SPATS2: variants seen among roughly 807,000 people sequenced by gnomAD.
The protein encoded by SPATS2 is spermatogenesis-associated serine-rich protein 2.
A neutral mutation model predicts 63.7 loss-of-function variants in SPATS2; 38 were observed. The observed-to-expected ratio is 0.60, with a 90% confidence interval of 0.46 to 0.78. The LOEUF is 0.78. Among genes scored for constraint, SPATS2 ranks in the 30% least tolerant of loss-of-function variants. The pLI, the probability that SPATS2 is intolerant of heterozygous loss-of-function variation, is 0.00. For synonymous variants in SPATS2, 207 were observed against 232.9 expected, an observed-to-expected ratio of 0.89 and a Z score of 1.01; for missense variants, 588 against 666.2, an observed-to-expected ratio of 0.88 and a Z score of 1.29.
At chr12:49,424,803 C>T in intron 2 of SPATS2, among the ~76,000 whole-genome samples, 1 of 152,228 alleles carries the variant, frequency 6.6e-6, no homozygotes, top group South Asian at 2.1e-4. Flanking sequence ...CCTCAGCCTC[C>T]CAAGTAGCTG....
chr12:49,418,757 C>G (rs190749281), intron 2 of SPATS2, among the ~76,000 whole-genome samples: 2 of 152,248 alleles, frequency 1.3e-5, no homozygotes, highest in East Asian at 3.9e-4. Context: ...ATTACTTCTA[C>G]TTGGTATTTG....
At chr12:49,443,872 T>C (rs1037371596) in intron 2 of SPATS2, among the ~76,000 whole-genome samples, 1 of 152,220 alleles carries the variant, frequency 6.6e-6, no homozygotes, top group African/African-American at 2.4e-5. Flanking sequence ...AGTACCACAC[T>C]GTCTTCATGA....
At chr12:49,407,973 T>C (rs183259673) in intron 2 of SPATS2, among the ~76,000 whole-genome samples, 2 of 152,342 alleles carry the variant, frequency 1.3e-5, no homozygotes, top group Admixed American at 1.3e-4. Flanking sequence ...GTTTGTGGAC[T>C]CCTTGGCTAG....
intron 2 of SPATS2, among the ~76,000 whole-genome samples, chr12:49,407,044 A>G (rs1249753140): frequency 6.6e-6 from 1 of 152,204 alleles, no homozygotes; most frequent in Non-Finnish European, 1.5e-5. Context: ...ATTTCAGTAA[A>G]TAGACTATCC....
chr12:49,415,391 G>A (rs1944872409), intron 2 of SPATS2, among the ~76,000 whole-genome samples: 1 of 152,064 alleles, frequency 6.6e-6, no homozygotes, highest in South Asian at 2.1e-4. Context: ...GGGAAGGCTG[G>A]GAATAAGAAA....
At chr12:49,414,281 G>A (rs548553759) in intron 2 of SPATS2, among the ~76,000 whole-genome samples, 1 of 152,250 alleles carries the variant, frequency 6.6e-6, no homozygotes, top group African/African-American at 2.4e-5. Context: ...GTAGAGCTTA[G>A]GTTTCCTATA....
intron 3 of SPATS2, among the ~76,000 whole-genome samples, chr12:49,466,011 C>CTTT (rs750603483): frequency 7.2e-6 from 1 of 139,630 alleles, no homozygotes; most frequent in Non-Finnish European, 1.6e-5. Flanking sequence ...CCCAATTTAT[C>CTTT]TTTTTTTTTT....
chr12:49,408,278 C>G (rs138586135), intron 2 of SPATS2, among the ~76,000 whole-genome samples: 13,243 of 145,710 alleles, frequency 0.091, 693 homozygotes, highest in African/African-American at 0.14. Flanking sequence ...TTGAGACAGA[C>G]TCTCACTCTT....
chr12:49,424,599 A>G (rs923582659), intron 2 of SPATS2, among the ~76,000 whole-genome samples: 3 of 152,214 alleles, frequency 2.0e-5, no homozygotes, highest in African/African-American at 7.2e-5. Flanking sequence ...ATTATATCTT[A>G]TATAGTGTTT....
At chr12:49,479,691 G>A (rs1270482189) in intron 3 of SPATS2, among the ~76,000 whole-genome samples, 22 of 152,158 alleles carry the variant, frequency 1.4e-4, no homozygotes, top group Admixed American at 1.4e-3. Flanking sequence ...ATCCCTGCTG[G>A]CCTGGTGGTG....
At chr12:49,440,689 G>A (rs1052712446) in intron 2 of SPATS2, among the ~76,000 whole-genome samples, 1 of 152,036 alleles carries the variant, frequency 6.6e-6, no homozygotes, top group African/African-American at 2.4e-5. Context: ...GGATGGTCTC[G>A]ATCTCTTGAC....
intron 10 of SPATS2, among the ~76,000 whole-genome samples, chr12:49,515,746 G>C (rs1463936656): frequency 6.6e-6 from 1 of 152,106 alleles, no homozygotes; most frequent in Non-Finnish European, 1.5e-5. Context: ...TAGGCCAGGC[G>C]TGGTGGCTCA....
intron 2 of SPATS2, among the ~76,000 whole-genome samples, chr12:49,388,061 C>T (rs1944352066): frequency 2.6e-5 from 4 of 152,082 alleles, no homozygotes; most frequent in Non-Finnish European, 5.9e-5. Context: ...GAACTACAGG[C>T]GTGCACCACT....
chr12:49,459,746 C>G (rs1011176350), intron 2 of SPATS2, among the ~76,000 whole-genome samples: 1 of 122,434 alleles, frequency 8.2e-6, no homozygotes, highest in Non-Finnish European at 1.7e-5. Context: ...CACGTCCCCC[C>G]CCCCCCCCAT....
chr12:49,435,638 CTTT>C (rs34420984), intron 2 of SPATS2, among the ~76,000 whole-genome samples: 1 of 96,026 alleles, frequency 1.0e-5, no homozygotes, highest in African/African-American at 3.3e-5. Flanking sequence ...TGAATGGTTT[CTTT>C]TTTTTTTTTT....
intron 4 of SPATS2, among the ~76,000 whole-genome samples, chr12:49,487,872 T>C (rs1946321078): frequency 6.6e-6 from 1 of 152,044 alleles, no homozygotes; most frequent in South Asian, 2.1e-4. Flanking sequence ...CTGGCATTAC[T>C]GGGCTTAATG....
intron 7 of SPATS2, among the ~76,000 whole-genome samples, chr12:49,496,307 C>A (rs1462586514): frequency 6.6e-6 from 1 of 152,126 alleles, no homozygotes; most frequent in Non-Finnish European, 1.5e-5. Context: ...GAGACCTGGT[C>A]TCTCTCTGTT....
chr12:49,463,499 T>C (rs1267152108), intron 3 of SPATS2: 1 of 152,200 alleles, frequency 6.6e-6, no homozygotes, highest in Non-Finnish European at 1.5e-5. Context: ...TTACACTTAG[T>C]TGGAAACAAA....
intron 2 of SPATS2, among the ~76,000 whole-genome samples, chr12:49,440,583 C>G (rs1945399466): frequency 6.6e-6 from 1 of 151,952 alleles, no homozygotes; most frequent in Non-Finnish European, 1.5e-5. Flanking sequence ...ATTCTTCTGC[C>G]TCAGCCTCCC....
Sources: allele counts gnomAD v4.1 joint callset (sites outside exome capture counted in the v4.1 genomes callset), GRCh38; gene constraint gnomAD v4.1.1; transcripts MANE v1.5; gene names NCBI Gene and HGNC (gene_info 2026-07-23, HGNC 2026-07-21).